Variants in MACC1 observed in about 807,000 individuals in gnomAD.
The protein encoded by MACC1 is metastasis-associated in colon cancer protein 1.
A neutral mutation model predicts 70.7 loss-of-function variants in MACC1; 79 were observed. The ratio of observed to expected loss-of-function variants is 1.12; its 90% CI spans 0.93 to 1.35. The LOEUF is 1.35. MACC1 is among the 40% of genes most tolerant of loss of function. The pLI is 0.00. For missense variants in MACC1, 1,106 were observed against 978.1 expected (o/e 1.13, Z -1.74); for synonymous variants, 361 against 347.2 (o/e 1.04, Z -0.44).
intron 3 of MACC1, among the ~76,000 whole-genome samples, chr7:20,163,108 G>T (rs1349934016): frequency 6.6e-6 from 1 of 151,938 alleles, no homozygotes; most frequent in African/African-American, 2.4e-5. Context: ...AGAAATTTTT[G>T]AAAAAATTCT....
intron 6 of MACC1, among the ~76,000 whole-genome samples, chr7:20,143,536 G>A (rs1040900875): frequency 2.6e-5 from 4 of 152,198 alleles, no homozygotes; most frequent in East Asian, 3.9e-4. Context: ...TTACAGGCAC[G>A]CGCCACCACG....
At chr7:20,201,154 A>G (rs1782827816) in intron 1 of MACC1, among the ~76,000 whole-genome samples, 1 of 152,220 alleles carries the variant, frequency 6.6e-6, no homozygotes, top group South Asian at 2.1e-4. Context: ...GATGTGACAC[A>G]GTCTGAGGTT....
chr7:20,170,680 G>C (rs945548384), intron 2 of MACC1, 34 bp downstream of exon 2: 1 of 152,152 alleles, frequency 6.6e-6, no homozygotes, highest in Non-Finnish European at 1.5e-5. Context: ...TCTTTGCCAA[G>C]AGAAAAACAC....
rs947527689 is a variant in MACC1 at position 20,160,366 on chromosome 7, C to T, written c.116-121G>A. 16 of 1,141,016 alleles carry T rather than the reference C, an allele frequency of 1.4e-5. No individual in the cohort carries two copies. The South Asian group carries it at 2.8e-4, about 20-fold the overall frequency. The allele number at this position is 1,141,016 out of a possible 1,614,324, so 70.7% of individuals were successfully genotyped here. A position where few individuals can be genotyped will look rare whatever the true frequency, so the allele number is the denominator to read the frequency against. On this transcript the variant is annotated intron_variant, in intron 4 of 6. Coordinates refer to ENST00000400331, the MANE Select transcript of MACC1 (RefSeq NM_182762.4). The stretch of plus-strand genomic sequence containing the variant: ...CTTACTTTTCATTTTTCTTTCTGAT[C>T]TCTAGTCTACTAGCTAACATAAACT...
At chr7:20,207,478 TC>T (rs1461054011) in intron 1 of MACC1, among the ~76,000 whole-genome samples, 2 of 152,110 alleles carry the variant, frequency 1.3e-5, no homozygotes, top group African/African-American at 4.8e-5. Flanking sequence ...AAAAGGACTT[TC>T]CTTCTCCTCT....
At chr7:20,216,969 A>C (rs147441166) in intron 1 of MACC1, among the ~76,000 whole-genome samples, 113 of 152,228 alleles carry the variant, frequency 7.4e-4, no homozygotes, top group African/African-American at 2.6e-3. Flanking sequence ...TTTTTAGGGG[A>C]TTTCAGCCAT....
intron 1 of MACC1, among the ~76,000 whole-genome samples, chr7:20,201,809 C>A (rs1782837955): frequency 6.6e-6 from 1 of 152,130 alleles, no homozygotes; most frequent in Admixed American, 6.5e-5. Flanking sequence ...CACTTAAGAC[C>A]ACCTTAGATT....
chr7:20,160,104 T>C lies in MACC1; in HGVS notation c.257A>G (p.Asn86Ser). 6.2e-7 allele frequency: 1 copy of C among 1,613,130 alleles called. No individual in the cohort carries two copies. Among genetic ancestry groups the C allele is most frequent in the Non-Finnish European group, 8.5e-7 (1 of 1,179,742 alleles). Residue 86 changes from asparagine (N) to serine (S), a missense_variant, in exon 5 of 7, where the codon AAT (asparagine) becomes AGT (serine). Physicochemically the swap from Asn to Ser is conservative, Grantham distance 46 (BLOSUM62 1). Transcript: ENST00000400331. ...GGAAATATTATTTCTCTTCCTGTTA[T>C]TTCTTAGTTGAGTTATGTCATCCAA... ...PFLDDITQLR[N>S]NRKRNNISIL...
intron 1 of MACC1, among the ~76,000 whole-genome samples, chr7:20,176,592 T>C (rs866257801): frequency 5.3e-5 from 8 of 152,292 alleles, no homozygotes; most frequent in African/African-American, 1.4e-4. Flanking sequence ...CCCAGAGAAA[T>C]GAAAACTTAT....
At chr7:20,142,613 C>G (rs544571476) in intron 6 of MACC1, among the ~76,000 whole-genome samples, 114 of 152,300 alleles carry the variant, frequency 7.5e-4, no homozygotes, top group South Asian at 1.5e-3. Context: ...ACATTGAAAT[C>G]AAACTTCTCA....
At position 20,158,311 on chromosome 7, in the gene MACC1, T is replaced by A. The variant is rs1436308150; in HGVS notation, c.2050A>T (p.Ile684Phe). ...SHLSLEDFDQ[I>F]QADKESEKVS... is the part of the protein sequence containing the mutation. ...TTCTCTGATTCTTTGTCTGCTTGAATTTGATCAAAATCTTCCAGGGACAGA... is the reference window on the plus strand; with the variant it reads ...TTCTCTGATTCTTTGTCTGCTTGAAATTGATCAAAATCTTCCAGGGACAGA... The change falls in exon 5 of 7, where the codon ATT becomes TTT. Residue 684 changes from isoleucine (I) to phenylalanine (F), a missense_variant. By Grantham distance (21) the Ile-to-Phe change is conservative. Coordinates refer to ENST00000400331, the MANE Select transcript of MACC1 (RefSeq NM_182762.4). 5 of 1,613,756 alleles carry A rather than the reference T, an allele frequency of 3.1e-6. No homozygotes were observed. The South Asian group carries it at 5.5e-5, about 18-fold the overall frequency.
At chr7:20,144,745 C>T (rs1385916771) in intron 6 of MACC1, among the ~76,000 whole-genome samples, 1 of 151,948 alleles carries the variant, frequency 6.6e-6, no homozygotes, top group African/African-American at 2.4e-5. Flanking sequence ...CTTGAGAGGA[C>T]AGACAAGGGT....
At chr7:20,157,498 A>G (rs565553865) in intron 5 of MACC1, among the ~76,000 whole-genome samples, 68 of 152,042 alleles carry the variant, frequency 4.5e-4, no homozygotes, top group African/African-American at 1.6e-3. Context: ...TAAAAAAAAG[A>G]AACAGCCAGG....
intron 2 of MACC1, among the ~76,000 whole-genome samples, chr7:20,169,003 A>T (rs926810033): frequency 1.5e-4 from 23 of 152,204 alleles, no homozygotes; most frequent in African/African-American, 5.3e-4. Flanking sequence ...GCAGAAGATC[A>T]TTCTACTTCT....
chr7:20,172,899 C>T (rs562889849), intron 1 of MACC1, among the ~76,000 whole-genome samples: 41 of 152,254 alleles, frequency 2.7e-4, no homozygotes, highest in African/African-American at 7.9e-4. Context: ...GCTGGGGAGA[C>T]GGGAAAAAGC....
At chr7:20,177,235 T>C (rs76940304) in intron 1 of MACC1, among the ~76,000 whole-genome samples, 1,982 of 152,276 alleles carry the variant, frequency 0.013, 39 homozygotes, top group African/African-American at 0.045. Context: ...GCACAGAATG[T>C]CTGAAATTAA....
At chr7:20,149,894 TTATA>T (rs1241094211) in intron 6 of MACC1, among the ~76,000 whole-genome samples, 1 of 152,216 alleles carries the variant, frequency 6.6e-6, no homozygotes, top group African/African-American at 2.4e-5. Context: ...GGTTAGGACT[TTATA>T]TAAGACAACG....
At chr7:20,189,594 A>G (rs1447625466) in intron 1 of MACC1, among the ~76,000 whole-genome samples, 3 of 152,218 alleles carry the variant, frequency 2.0e-5, no homozygotes, top group Non-Finnish European at 4.4e-5. Flanking sequence ...GCTTTCCTGA[A>G]AGAAATGCCA....
intron 1 of MACC1, among the ~76,000 whole-genome samples, chr7:20,215,492 C>T (rs1783055965): frequency 6.6e-6 from 1 of 152,206 alleles, no homozygotes. Flanking sequence ...CAGCTTTCCT[C>T]CACCTTTGGA....
Sources: gnomAD v4.1 joint callset for allele counts (sites outside exome capture counted in the v4.1 genomes callset) on GRCh38, gnomAD v4.1.1 for gene constraint, MANE v1.5 for transcripts, NCBI Gene and HGNC (gene_info 2026-07-23, HGNC 2026-07-21) for gene names.